PTPRD: variants seen among roughly 807,000 people sequenced by gnomAD.
PTPRD encodes the protein receptor-type tyrosine-protein phosphatase delta.
PTPRD carries 34 observed loss-of-function variants against 214.5 expected under a neutral mutation model. The observed-to-expected ratio is 0.16, with a 90% CI of 0.12 to 0.21. The LOEUF is 0.21. Ranked by LOEUF, PTPRD falls within the 10% of genes least tolerant of loss-of-function variation. PTPRD has a pLI of 1.00. For missense variants in PTPRD, 2,545 were observed against 2,398.7 expected, an observed-to-expected ratio of 1.06 and a Z score of -1.27; for synonymous variants, 1,128 against 845.7, an observed-to-expected ratio of 1.33 and a Z score of -5.79.
At chr9:10,462,618 T>C (rs2098966919) in intron 2 of PTPRD, among the ~76,000 whole-genome samples, 1 of 151,672 alleles carries the variant, frequency 6.6e-6, no homozygotes, top group South Asian at 2.1e-4. Flanking sequence ...TGGATAAGAG[T>C]AAGAGATGTG....
intron 10 of PTPRD, among the ~76,000 whole-genome samples, chr9:9,028,187 C>G (rs1395882603): frequency 6.6e-6 from 1 of 151,896 alleles, no homozygotes; most frequent in African/African-American, 2.4e-5. Flanking sequence ...GTTCTTTTAT[C>G]AAAACTTCTA....
rs571290557 is a variant in PTPRD, at chr9:9,611,324, A to G, written c.-286-36543T>C. Among the ~76,000 whole-genome samples the G allele has an allele frequency of 5.3e-5, 8 of 152,310 alleles. No homozygotes were observed. The South Asian group carries it at 1.7e-3, about 32-fold the overall frequency. ...TATGTTTTTGCTATATGCCATACAC[A>G]TATCTCCACCAGCAGTGAATGAAGA... On this transcript the variant is annotated intron_variant, in intron 7 of 45. Coordinates refer to ENST00000381196, the MANE Select transcript of PTPRD (RefSeq NM_002839.4).
At chr9:10,199,409 T>A (rs547289347) in intron 3 of PTPRD, among the ~76,000 whole-genome samples, 1 of 152,016 alleles carries the variant, frequency 6.6e-6, no homozygotes, top group East Asian at 1.9e-4. Context: ...ATGGGAAGTT[T>A]GACAGTACTC....
chr9:9,970,166 G>A (rs942586515), intron 4 of PTPRD, among the ~76,000 whole-genome samples: 9 of 152,096 alleles, frequency 5.9e-5, no homozygotes, highest in Non-Finnish European at 1.0e-4. Flanking sequence ...TAGTCATGAG[G>A]TGTCACAGAC....
chr9:8,719,193 A>C (rs2098466643), intron 12 of PTPRD, among the ~76,000 whole-genome samples: 1 of 152,204 alleles, frequency 6.6e-6, no homozygotes, highest in South Asian at 2.1e-4. Flanking sequence ...CCCTCAGCTG[A>C]TAAATTATTC....
intron 12 of PTPRD, among the ~76,000 whole-genome samples, chr9:8,693,451 G>C: frequency 6.6e-6 from 1 of 152,104 alleles, no homozygotes; most frequent in East Asian, 1.9e-4. Context: ...GCCAAATATA[G>C]GCATTAAGGT....
At chr9:9,270,982 A>G (rs1010984321) in intron 9 of PTPRD, among the ~76,000 whole-genome samples, 6 of 151,310 alleles carry the variant, frequency 4.0e-5, no homozygotes, top group African/African-American at 1.2e-4. Context: ...GAAGACGGTG[A>G]GATAAAAGCT....
At chr9:8,862,111 CTT>C (rs2098117385) in intron 11 of PTPRD, 1 of 152,252 alleles carries the variant, frequency 6.6e-6, no homozygotes, top group African/African-American at 2.4e-5. Context: ...AATCCCAGCA[CTT>C]TTGGAGGCCA....
At chr9:10,543,053 T>G (rs1353419337) in intron 2 of PTPRD, among the ~76,000 whole-genome samples, 1 of 151,564 alleles carries the variant, frequency 6.6e-6, no homozygotes, top group Non-Finnish European at 1.5e-5. Context: ...AACAGGACAA[T>G]TTTGTATTTT....
intron 2 of PTPRD, among the ~76,000 whole-genome samples, chr9:10,463,545 A>T (rs912818130): frequency 6.6e-6 from 1 of 152,194 alleles, no homozygotes; most frequent in Non-Finnish European, 1.5e-5. Flanking sequence ...CTACAAAAAA[A>T]GTGTTGAGAT....
At chr9:9,536,902 G>C (rs951510605) in intron 8 of PTPRD, among the ~76,000 whole-genome samples, 3 of 151,998 alleles carry the variant, frequency 2.0e-5, no homozygotes, top group Non-Finnish European at 4.4e-5. Flanking sequence ...CGACAGTTAT[G>C]GAAGTGAGTG....
At chr9:10,448,461 A>G (rs1306188252) in intron 2 of PTPRD, among the ~76,000 whole-genome samples, 5 of 152,000 alleles carry the variant, frequency 3.3e-5, no homozygotes, top group African/African-American at 1.2e-4. Context: ...AGTACTAAGT[A>G]TAATAAGTAT....
intron 2 of PTPRD, among the ~76,000 whole-genome samples, chr9:10,349,182 C>G (rs956721938): frequency 1.4e-5 from 2 of 146,702 alleles, no homozygotes; most frequent in Non-Finnish European, 3.0e-5. Context: ...TCTCAACATC[C>G]TGTCCTTTCC....
chr9:9,132,570 CCTT>C (rs1349949626), intron 10 of PTPRD, among the ~76,000 whole-genome samples: 4 of 152,042 alleles, frequency 2.6e-5, no homozygotes, highest in Admixed American at 1.3e-4. Flanking sequence ...AATTATGACA[CCTT>C]CTTTGGAGAC....
At chr9:9,826,828 T>C (rs577173592) in intron 5 of PTPRD, among the ~76,000 whole-genome samples, 34 of 152,210 alleles carry the variant, frequency 2.2e-4, no homozygotes, top group African/African-American at 7.7e-4. Flanking sequence ...ACAAAATCAA[T>C]GTGCAAAAAT....
intron 8 of PTPRD, among the ~76,000 whole-genome samples, chr9:9,464,940 A>G (rs568948336): frequency 4.6e-5 from 7 of 152,250 alleles, no homozygotes; most frequent in South Asian, 4.1e-4. Context: ...ATGAAACCTC[A>G]TGTGCTCATT....
At chr9:9,405,292 T>G (rs1442421436) in intron 8 of PTPRD, among the ~76,000 whole-genome samples, 1 of 152,102 alleles carries the variant, frequency 6.6e-6, no homozygotes, top group Non-Finnish European at 1.5e-5. Context: ...AAGTTATAAC[T>G]GAACATGGAA....
intron 11 of PTPRD, among the ~76,000 whole-genome samples, chr9:8,996,432 G>A (rs1270797500): frequency 6.6e-6 from 1 of 152,096 alleles, no homozygotes; most frequent in Non-Finnish European, 1.5e-5. Flanking sequence ...AAACGTAGGG[G>A]CAGCAAACAG....
chr9:9,196,994 T>C (rs997063747), intron 9 of PTPRD, among the ~76,000 whole-genome samples: 1 of 152,168 alleles, frequency 6.6e-6, no homozygotes, highest in African/African-American at 2.4e-5. Flanking sequence ...TCCCTAATCA[T>C]GTCTGAGAAT....
Sources: allele counts gnomAD v4.1 joint callset (sites outside exome capture counted in the v4.1 genomes callset), GRCh38; gene constraint gnomAD v4.1.1; transcripts MANE v1.5; gene names NCBI Gene and HGNC (gene_info 2026-07-23, HGNC 2026-07-21).